Variants in DSE observed in about 807,000 individuals in gnomAD.
DSE encodes the protein dermatan-sulfate epimerase.
Under a neutral mutation model 84.4 loss-of-function variants are expected in DSE, and 36 were observed. The ratio of observed to expected loss-of-function variants is 0.43; its 90% confidence interval spans 0.33 to 0.56. DSE has a LOEUF of 0.56. DSE is among the 20% of genes least tolerant of loss of function. DSE has a pLI of 0.06. For synonymous variants in DSE, 410 were observed against 430.1 expected, an observed-to-expected ratio of 0.95 and a Z score of 0.58; for missense variants, 862 against 1,169.6, an observed-to-expected ratio of 0.74 and a Z score of 3.84.
intron 2 of DSE, among the ~76,000 whole-genome samples, chr6:116,364,615 C>G (rs1471479443): frequency 1.3e-5 from 2 of 152,208 alleles, no homozygotes; most frequent in South Asian, 2.1e-4. Context: ...ATGAAGTCAA[C>G]TTCACTAGTT....
chr6:116,394,937 C>G (rs543125184), intron 1 of DSE, among the ~76,000 whole-genome samples: 1 of 152,332 alleles, frequency 6.6e-6, no homozygotes, highest in African/African-American at 2.4e-5. Flanking sequence ...ATGCTATGCT[C>G]TTGAACTGGG....
chr6:116,278,420 A>G, intron 2 of DSE: 1 of 1,548,562 alleles, frequency 6.5e-7, no homozygotes, highest in Non-Finnish European at 8.9e-7. Flanking sequence ...AGCAAAAACA[A>G]AGCACAATAG....
chr6:116,340,552 C>G (rs1204791616), intron 2 of DSE, among the ~76,000 whole-genome samples: 1 of 151,944 alleles, frequency 6.6e-6, no homozygotes, highest in African/African-American at 2.4e-5. Flanking sequence ...AGGTTTGATA[C>G]ATAGGTATAC....
chr6:116,353,088 T>C (rs1292828767), intron 2 of DSE, among the ~76,000 whole-genome samples: 1 of 152,228 alleles, frequency 6.6e-6, no homozygotes, highest in Non-Finnish European at 1.5e-5. Flanking sequence ...CATTCATTTA[T>C]GTTAGCTAAC....
At chr6:116,419,259 T>C (rs1261840094) in intron 2 of DSE, among the ~76,000 whole-genome samples, 2 of 152,222 alleles carry the variant, frequency 1.3e-5, no homozygotes, top group East Asian at 3.9e-4. Context: ...TTTAGCTACA[T>C]TTATAGGAAT....
chr6:116,280,818 G>C (rs903274171), intron 2 of DSE, among the ~76,000 whole-genome samples: 2 of 152,174 alleles, frequency 1.3e-5, no homozygotes, highest in African/African-American at 2.4e-5. Context: ...GTGAGGAAAG[G>C]CTAGTTAAAA....
intron 1 of DSE, among the ~76,000 whole-genome samples, chr6:116,385,836 T>A (rs527805047): frequency 1.3e-5 from 2 of 152,054 alleles, no homozygotes; most frequent in East Asian, 3.9e-4. Context: ...AAAGTAAATT[T>A]TATCACTGAT....
intron 2 of DSE, among the ~76,000 whole-genome samples, chr6:116,324,466 T>C (rs2114771514): frequency 6.6e-6 from 1 of 152,316 alleles, no homozygotes; most frequent in Middle Eastern, 3.4e-3. Flanking sequence ...CTCCACCCCC[T>C]TGTAGCTGTT....
chr6:116,258,988 T>A, intron 2 of DSE: 2 of 1,487,170 alleles, frequency 1.3e-6, no homozygotes, highest in Non-Finnish European at 1.9e-6. Flanking sequence ...GGCATATTTC[T>A]CCTTCACTGC....
chr6:116,368,505 A>G (rs970829612), upstream of DSE, among the ~76,000 whole-genome samples: 2 of 152,254 alleles, frequency 1.3e-5, no homozygotes, highest in Non-Finnish European at 1.5e-5. Context: ...AATCACAGGT[A>G]AAGTGCTGAA....
At chr6:116,279,116 G>C in intron 2 of DSE, 1 of 1,614,146 alleles carries the variant, frequency 6.2e-7, no homozygotes, top group Non-Finnish European at 8.5e-7. Flanking sequence ...ACAGTGTCCA[G>C]TTCCAGCTGG....
upstream of DSE, chr6:116,370,875 C>T: frequency 1.0e-6 from 1 of 985,774 alleles, no homozygotes; most frequent in Non-Finnish European, 1.2e-6. Context: ...TCCAGCGGAG[C>T]CTCAGCGCCC....
chr6:116,292,272 G>T (rs1774329773), intron 2 of DSE, among the ~76,000 whole-genome samples: 1 of 152,104 alleles, frequency 6.6e-6, no homozygotes. Context: ...ATTAGAGGTA[G>T]GGAAAGAACC....
chr6:116,396,706 G>A (rs552922849), intron 1 of DSE, among the ~76,000 whole-genome samples: 3 of 152,166 alleles, frequency 2.0e-5, no homozygotes, highest in Non-Finnish European at 2.9e-5. Context: ...CATATCCTAC[G>A]TAACTGGAAG....
At chr6:116,373,986 T>C (rs1459124961) in intron 1 of DSE, among the ~76,000 whole-genome samples, 1 of 152,214 alleles carries the variant, frequency 6.6e-6, no homozygotes, top group Non-Finnish European at 1.5e-5. Context: ...TTTTAGTATA[T>C]TGGTAATCTT....
intron 2 of DSE, among the ~76,000 whole-genome samples, chr6:116,308,603 C>G (rs1448639019): frequency 6.6e-6 from 1 of 152,178 alleles, no homozygotes; most frequent in Non-Finnish European, 1.5e-5. Flanking sequence ...AAGCAATTTA[C>G]ATAAACTCTT....
chr6:116,352,784 C>T (rs1425967311), intron 2 of DSE, among the ~76,000 whole-genome samples: 1 of 152,176 alleles, frequency 6.6e-6, no homozygotes, highest in Admixed American at 6.5e-5. Context: ...AGCCTTAGGG[C>T]AAGTCTGGGC....
intron 2 of DSE, among the ~76,000 whole-genome samples, chr6:116,294,738 A>G (rs1399621574): frequency 6.6e-6 from 1 of 152,210 alleles, no homozygotes; most frequent in Non-Finnish European, 1.5e-5. Flanking sequence ...GAGTTTCACC[A>G]TCTAGTCTCT....
chr6:116,405,548 C>A (rs1335302907), intron 2 of DSE, among the ~76,000 whole-genome samples: 1 of 152,084 alleles, frequency 6.6e-6, no homozygotes, highest in Admixed American at 6.5e-5. Flanking sequence ...TTTCTCTGTT[C>A]TTTTCATTCT....
Sources: gnomAD v4.1 joint callset for allele counts (sites outside exome capture counted in the v4.1 genomes callset) on GRCh38, gnomAD v4.1.1 for gene constraint, MANE v1.5 for transcripts, NCBI Gene and HGNC (gene_info 2026-07-23, HGNC 2026-07-21) for gene names.